The following ZC3H8 variants were observed in gnomAD, a reference collection of about 807,000 sequenced individuals.
The protein encoded by ZC3H8 is zinc finger CCCH-type containing 8.
ZC3H8 carries 27 observed loss-of-function variants against 42.5 expected under a neutral mutation model. The ratio of observed to expected loss-of-function variants is 0.64; its 90% CI spans 0.47 to 0.88. The LOEUF is 0.88. ZC3H8 is among the 40% of genes least tolerant of loss of function. The pLI, the probability that ZC3H8 is intolerant of heterozygous loss-of-function variation, is 0.00. For missense variants in ZC3H8, 277 were observed against 336.1 expected, an observed-to-expected ratio of 0.82 and a Z score of 1.37; for synonymous variants, 101 against 110.1, an observed-to-expected ratio of 0.92 and a Z score of 0.52.
In ZC3H8 at chr2:112,233,516, T is replaced by C. The variant is rs1029845606; in HGVS notation, c.622-145A>G. 2.6e-5 allele frequency: 16 copies of C among 618,740 alleles called. No individual in the cohort carries two copies. In the African/African-American group the frequency reaches 3.1e-4, roughly 12 times the overall value. The allele number at this position is 618,740 out of a possible 1,614,324, so 38.3% of individuals were successfully genotyped here. On this transcript the variant is annotated intron_variant, in intron 5 of 8. Transcript: ENST00000409573. ...TAGCACATTCTAACTGTTAATAAAT[T>C]ATAACCACATCACATATATCTGCTT...
intron 1 of ZC3H8, among the ~76,000 whole-genome samples, chr2:112,251,290 A>T (rs556053006): frequency 8.7e-4 from 132 of 152,342 alleles, no homozygotes; most frequent in African/African-American, 2.9e-3. Flanking sequence ...CTGTTCTTTC[A>T]AAGTTACAGG....
rs1685437260 is a variant in ZC3H8 at position 112,238,337 on chromosome 2, T to G, written c.348A>C (p.Glu116Asp). 1 of 1,613,610 alleles carries G rather than the reference T, an allele frequency of 6.2e-7. No individual in the cohort carries two copies. Among genetic ancestry groups the G allele is most frequent in the South Asian group, 1.1e-5 (1 of 91,072 alleles). The change falls in exon 3 of 9, where the codon GAA (glutamate) becomes GAC (aspartate). Residue 116 changes from glutamate to aspartate, a missense_variant. Glu to Asp is a conservative substitution (Grantham distance 45, BLOSUM62 2). Coordinates refer to ENST00000409573, the MANE Select transcript of ZC3H8 (RefSeq NM_032494.3). ...TACCCTGTGGGGTATCTTTTACTCC[T>G]TCTTTCTTTGTAGATTCTTCAGGTT... ...AAQPEESTKK[E>D]GVKDTPQAAK...
chr2:112,254,267 C>T (rs1452512161), intron 1 of ZC3H8, among the ~76,000 whole-genome samples: 2 of 152,182 alleles, frequency 1.3e-5, no homozygotes, highest in African/African-American at 4.8e-5. Context: ...AATCACTAGA[C>T]ACTGCTCCAA....
rs1388250801 is a variant in ZC3H8 at position 112,234,226 on chromosome 2, G to T, written c.515C>A (p.Pro172His). Residue 172 changes from proline (P) to histidine (H), a missense_variant, in exon 5 of 9, where the codon CCT becomes CAT. Coordinates refer to ENST00000409573, the MANE Select transcript of ZC3H8 (RefSeq NM_032494.3). ...NSGSQEEDGK[P>H]KEKQQHLSQA... ...ACTCAAATGCTGCTGCTTCTCTTTA[G>T]GTTTACCATCCTTTAAAAACAAAAA... 1.3e-6 allele frequency: 2 copies of T among 1,599,826 alleles called. No homozygotes were observed. The highest frequency in any genetic ancestry group is 1.8e-5 in the Admixed American group (1 of 56,782).
rs201377407 is a variant in ZC3H8, at chr2:112,236,676, T to G, written c.390A>C (p.Lys130Asn). ...DTPQAAKQKN[K>N]NLKAGHKNGK... The stretch of plus-strand genomic sequence containing the variant: ...CATTCTTGTGACCAGCTTTAAGATT[T>G]TTATTTTTTTGTTTAGCAGCTAAAA... The change falls in exon 4 of 9, where the codon AAA (lysine) becomes AAC (asparagine). Residue 130 changes from lysine (K) to asparagine (N), a missense_variant. Lys to Asn is a moderately conservative substitution (Grantham distance 94). Transcript: ENST00000409573. 8.1e-5 allele frequency: 130 copies of G among 1,611,256 alleles called. No homozygotes were observed. In the East Asian group the frequency reaches 2.7e-3, roughly 34 times the overall value.
chr2:112,254,096 C>G lies in ZC3H8; in HGVS notation c.74+812G>C, dbSNP rs564587381. ...TAAGTGATTTATTTCATGTAAAGCA[C>G]AAGGTAAAGCTCTGGATGATCAGTT... is the stretch of plus-strand genomic sequence containing the variant. On this transcript the variant is annotated intron_variant, in intron 1 of 8. Coordinates refer to ENST00000409573, the MANE Select transcript of ZC3H8 (RefSeq NM_032494.3). The G allele has an allele frequency of 5.4e-5, 53 of 982,492 alleles. No homozygotes were observed. The African/African-American group carries it at 9.1e-4, about 17-fold the overall frequency. The allele number at this position is 982,492 out of a possible 1,614,324, so 60.9% of individuals were successfully genotyped here. A position where few individuals can be genotyped will look rare whatever the true frequency, so the allele number is the denominator to read the frequency against.
intron 8 of ZC3H8, among the ~76,000 whole-genome samples, chr2:112,221,434 C>T (rs1396902179): frequency 6.6e-6 from 1 of 152,284 alleles, no homozygotes; most frequent in Non-Finnish European, 1.5e-5. Flanking sequence ...CTGAGGCCTC[C>T]TCAGAAGCAG....
chr2:112,219,321 A>G (rs1684483125), intron 8 of ZC3H8, among the ~76,000 whole-genome samples: 1 of 152,238 alleles, frequency 6.6e-6, no homozygotes, highest in Non-Finnish European at 1.5e-5. Context: ...TACCAAGACC[A>G]TTCAATGAAG....
At chr2:112,228,318 A>G (rs1684936728) in intron 8 of ZC3H8, among the ~76,000 whole-genome samples, 2 of 152,174 alleles carry the variant, frequency 1.3e-5, no homozygotes, top group Admixed American at 1.3e-4. Context: ...CCTGGCCAAC[A>G]TAGTGAAAGC....
At chr2:112,233,847 C>A (rs1685200025) in intron 5 of ZC3H8, among the ~76,000 whole-genome samples, 1 of 151,912 alleles carries the variant, frequency 6.6e-6, no homozygotes, top group African/African-American at 2.4e-5. Flanking sequence ...CCAGCCCAGG[C>A]GACACAGTGA....
chr2:112,239,395 A>T (rs1286298751), intron 2 of ZC3H8, among the ~76,000 whole-genome samples: 1 of 152,198 alleles, frequency 6.6e-6, no homozygotes, highest in Non-Finnish European at 1.5e-5. Context: ...TTCTGATGTC[A>T]CGAAGAAATG....
At chr2:112,248,320 AAAAG>A (rs147585159) in intron 2 of ZC3H8, among the ~76,000 whole-genome samples, 8 of 149,738 alleles carry the variant, frequency 5.3e-5, no homozygotes, top group African/African-American at 1.7e-4. Context: ...AGACAGAAAG[AAAAG>A]AAAGAAAGAA....
In ZC3H8 at chr2:112,240,987, G is replaced by A. The variant is rs528826792; in HGVS notation, c.157-2459C>T. On this transcript the variant is annotated intron_variant, in intron 2 of 8. Transcript: ENST00000409573. ...TGTGTGTGTGTGTGTGTGTGTGTGCGCGTGTGTATGTGTGTTGTGTTTTGT... is the reference window on the plus strand; with the variant it reads ...TGTGTGTGTGTGTGTGTGTGTGTGCACGTGTGTATGTGTGTTGTGTTTTGT... Among the ~76,000 whole-genome samples the A allele has an allele frequency of 4.3e-4, 49 of 114,192 alleles. 1 individual carries two copies. The highest frequency in any genetic ancestry group is 3.1e-3 in the Admixed American group (36 of 11,706). The allele number at this position is 114,192 out of a possible 152,430, so 74.9% of individuals were successfully genotyped here.
chr2:112,238,911 G>A (rs545272531), intron 2 of ZC3H8, among the ~76,000 whole-genome samples: 126 of 152,300 alleles, frequency 8.3e-4, no homozygotes, highest in Admixed American at 2.2e-3. Context: ...TGCATTGACA[G>A]TACTTTTAAA....
intron 5 of ZC3H8, among the ~76,000 whole-genome samples, chr2:112,233,766 G>C (rs1391410882): frequency 6.6e-6 from 1 of 152,116 alleles, no homozygotes; most frequent in East Asian, 1.9e-4. Context: ...CTACTTGGGA[G>C]GCTGAGGCAG....
chr2:112,236,563 T>C lies in ZC3H8; in HGVS notation c.503A>G (p.Glu168Gly), dbSNP rs1443736782. The C allele has an allele frequency of 2.5e-6, 4 of 1,612,924 alleles. No homozygotes were observed. The highest frequency in any genetic ancestry group is 1.7e-5 in the Admixed American group (1 of 59,788). ...TCCTAGAAGCATATATTCCAATACC[T>C]CTTCCTGTGAGCCGCTGTTCCTCAG... ...ALLRNSGSQEEDGKPKEKQQH... is the reference protein window; with the variant it reads ...ALLRNSGSQEGDGKPKEKQQH... Residue 168 changes from glutamate (E) to glycine (G), a missense_variant and splice_region_variant, in exon 4 of 9, where the codon GAG becomes GGG. Physicochemically the swap from Glu to Gly is moderately conservative, Grantham distance 98. Transcript: ENST00000409573.
intron 1 of ZC3H8, among the ~76,000 whole-genome samples, chr2:112,251,804 A>G (rs1053174797): frequency 1.3e-5 from 2 of 152,042 alleles, no homozygotes; most frequent in Non-Finnish European, 2.9e-5. Flanking sequence ...CCCATTCTAA[A>G]TAGATGTCTA....
At chr2:112,249,054 A>T (rs147827246) in intron 2 of ZC3H8, among the ~76,000 whole-genome samples, 2 of 152,046 alleles carry the variant, frequency 1.3e-5, no homozygotes, top group African/African-American at 4.8e-5. Flanking sequence ...AAAAACACAA[A>T]AATTAGCTGG....
At chr2:112,236,470 C>T in intron 4 of ZC3H8, 92 bp downstream of exon 4, 1 of 1,520,100 alleles carries the variant, frequency 6.6e-7, no homozygotes, top group Non-Finnish European at 8.8e-7. Context: ...TCCACCTCTC[C>T]ATATCACATA....
Sources: gnomAD v4.1 joint callset for allele counts (sites outside exome capture counted in the v4.1 genomes callset) on GRCh38, gnomAD v4.1.1 for gene constraint, MANE v1.5 for transcripts, NCBI Gene and HGNC (gene_info 2026-07-23, HGNC 2026-07-21) for gene names.